AKAP6: variants seen among roughly 807,000 people sequenced by gnomAD.
AKAP6 encodes A-kinase anchor protein 6.
AKAP6 carries 58 observed loss-of-function variants against 188.5 expected under a neutral mutation model. That is an observed-to-expected ratio of 0.31 (90% CI 0.25 to 0.38). The LOEUF (loss-of-function observed/expected upper bound fraction) is 0.38. Among genes scored for constraint, AKAP6 ranks in the 10% least tolerant of loss-of-function variants. The pLI is 1.00. For synonymous variants in AKAP6, 989 were observed against 998.6 expected, an observed-to-expected ratio of 0.99 and a Z score of 0.18; for missense variants, 2,710 against 2,740.0, an observed-to-expected ratio of 0.99 and a Z score of 0.24.
intron 5 of AKAP6, among the ~76,000 whole-genome samples, chr14:32,591,648 C>CTTTT (rs71432068): frequency 7.6e-6 from 1 of 131,878 alleles, no homozygotes; most frequent in African/African-American, 2.8e-5. Context: ...AGTGTCTTCT[C>CTTTT]TTTTTTTTTT....
intron 1 of AKAP6, among the ~76,000 whole-genome samples, chr14:32,361,970 G>C (rs570391153): frequency 1.1e-3 from 173 of 152,128 alleles, no homozygotes; most frequent in Middle Eastern, 3.4e-3. Context: ...CATTGAAATG[G>C]AAATAATTTG....
chr14:32,580,855 A>C (rs1884931886), intron 5 of AKAP6, among the ~76,000 whole-genome samples: 1 of 152,108 alleles, frequency 6.6e-6, no homozygotes, highest in Non-Finnish European at 1.5e-5. Flanking sequence ...TTCCAATTTC[A>C]TCCATGTCCC....
chr14:32,776,186 A>T (rs1305416348), intron 12 of AKAP6, among the ~76,000 whole-genome samples: 1 of 152,078 alleles, frequency 6.6e-6, no homozygotes, highest in African/African-American at 2.4e-5. Flanking sequence ...CACTTCTTTG[A>T]TATGGTTTGT....
chr14:32,801,433 C>A (rs2033946146), intron 12 of AKAP6, among the ~76,000 whole-genome samples: 1 of 152,120 alleles, frequency 6.6e-6, no homozygotes, highest in South Asian at 2.1e-4. Context: ...ATACTCAATT[C>A]CTCCCTCCCA....
At chr14:32,631,001 T>C (rs548468414) in intron 7 of AKAP6, among the ~76,000 whole-genome samples, 1 of 152,202 alleles carries the variant, frequency 6.6e-6, no homozygotes, top group East Asian at 1.9e-4. Flanking sequence ...CTAATAGTTT[T>C]GTTGAATTTT....
chr14:32,717,043 G>A (rs951202658), intron 9 of AKAP6, among the ~76,000 whole-genome samples: 4 of 152,106 alleles, frequency 2.6e-5, no homozygotes, highest in African/African-American at 9.7e-5. Flanking sequence ...ATGGAAATAT[G>A]AAATGACCTT....
intron 1 of AKAP6, among the ~76,000 whole-genome samples, chr14:32,380,488 T>C (rs1888318321): frequency 6.6e-6 from 1 of 152,230 alleles, no homozygotes; most frequent in Non-Finnish European, 1.5e-5. Flanking sequence ...ACTGAATAAA[T>C]GAATGAAGAT....
chr14:32,746,555 T>G (rs1269457377), intron 11 of AKAP6, among the ~76,000 whole-genome samples: 1 of 152,140 alleles, frequency 6.6e-6, no homozygotes, highest in Non-Finnish European at 1.5e-5. Flanking sequence ...TGCAAGACAG[T>G]CAGAGTGGAT....
In AKAP6 at chr14:32,389,475, G is replaced by T. The variant is rs558504086; in HGVS notation, c.-34-43985G>T. Among the ~76,000 whole-genome samples, 10 of 151,652 alleles carry T rather than the reference G, an allele frequency of 6.6e-5. No homozygotes were observed. The East Asian group carries it at 1.7e-3, about 26-fold the overall frequency. The stretch of plus-strand genomic sequence containing the variant: ...TTATGCTTTAAAGAAGTTCTTTTTT[G>T]CTGTGTTTCCAGGATTTGTTTCAAG... On this transcript the variant is annotated intron_variant, in intron 1 of 13. Coordinates refer to ENST00000280979, the MANE Select transcript of AKAP6 (RefSeq NM_004274.5).
intron 9 of AKAP6, among the ~76,000 whole-genome samples, chr14:32,725,679 A>G (rs2030834123): frequency 6.6e-6 from 1 of 152,202 alleles, no homozygotes. Flanking sequence ...CTTTATTAAA[A>G]TCTATTCGTA....
chr14:32,613,141 T>C (rs182471287), intron 7 of AKAP6, among the ~76,000 whole-genome samples: 238 of 152,336 alleles, frequency 1.6e-3, no homozygotes, highest in Non-Finnish European at 2.8e-3. Context: ...TAAAATGACC[T>C]GGGTCGCTTT....
intron 1 of AKAP6, among the ~76,000 whole-genome samples, chr14:32,413,361 GT>G (rs1889556339): frequency 6.6e-6 from 1 of 151,410 alleles, no homozygotes; most frequent in South Asian, 2.1e-4. Context: ...TTTTAAAATT[GT>G]TTGTAGCAAT....
At chr14:32,349,830 A>G (rs985318086) in intron 1 of AKAP6, among the ~76,000 whole-genome samples, 1 of 152,202 alleles carries the variant, frequency 6.6e-6, no homozygotes, top group Non-Finnish European at 1.5e-5. Flanking sequence ...AACATTTTAG[A>G]TGTGTGTTAG....
chr14:32,761,035 GA>G (rs953321578), intron 11 of AKAP6, among the ~76,000 whole-genome samples: 1 of 152,194 alleles, frequency 6.6e-6, no homozygotes, highest in African/African-American at 2.4e-5. Context: ...GGAAAGGAAA[GA>G]GCTAAGAAGC....
chr14:32,600,797 G>A lies in AKAP6; in HGVS notation c.2730+5G>A, dbSNP rs553235978. ...GAAGGGACTGGAAGCCCCAAGGTAA[G>A]TGGCTTGAAGTTTGCCTTATTTCCT... On this transcript the variant is annotated splice_donor_5th_base_variant and intron_variant, in intron 7 of 13. Coordinates refer to ENST00000280979, the MANE Select transcript of AKAP6 (RefSeq NM_004274.5). The A allele has an allele frequency of 5.0e-6, 8 of 1,590,732 alleles. No homozygotes were observed. In the African/African-American group the frequency reaches 5.4e-5, roughly 11 times the overall value.
Position 32,546,119 on chromosome 14 carries a change from A to G in AKAP6, c.1466A>G (p.Tyr489Cys), listed in dbSNP as rs758449264. ...AGCCTGGGAAGGCTTAACGACTGCTATAAAGAGAAATCTCGACTTAAAAAG... is the reference window on the plus strand; with the variant it reads ...AGCCTGGGAAGGCTTAACGACTGCTGTAAAGAGAAATCTCGACTTAAAAAG... Reference protein sequence around the residue: ...SSSLGRLNDCYKEKSRLKKPH... With the variant: ...SSSLGRLNDCCKEKSRLKKPH... The change falls in exon 4 of 14, where the codon TAT (tyrosine) becomes TGT (cysteine). Residue 489 changes from tyrosine to cysteine, a missense_variant. By Grantham distance (194) the Tyr-to-Cys change is radical. Coordinates refer to ENST00000280979, the MANE Select transcript of AKAP6 (RefSeq NM_004274.5). The G allele has an allele frequency of 3.1e-6, 5 of 1,613,934 alleles. No individual in the cohort carries two copies. The South Asian group carries it at 3.3e-5, about 11-fold the overall frequency.
intron 7 of AKAP6, among the ~76,000 whole-genome samples, chr14:32,661,090 G>C (rs919342896): frequency 1.3e-5 from 2 of 151,920 alleles, no homozygotes; most frequent in Non-Finnish European, 2.9e-5. Flanking sequence ...GAGAAATAGT[G>C]ACAAATAGGT....
intron 3 of AKAP6, among the ~76,000 whole-genome samples, chr14:32,536,144 G>A (rs946414545): frequency 1.3e-5 from 2 of 152,192 alleles, no homozygotes; most frequent in Admixed American, 1.3e-4. Flanking sequence ...ATCAAAACAT[G>A]GTTTCTGTCT....
In AKAP6 at chr14:32,821,707, G is replaced by A. The variant is rs770580558; in HGVS notation, c.3894G>A (p.Glu1298=). 19 of 1,613,502 alleles carry A rather than the reference G, an allele frequency of 1.2e-5. No individual in the cohort carries two copies. Among genetic ancestry groups the A allele is most frequent in the Admixed American group, 1.0e-4 (6 of 59,860 alleles). ...VYSLHNVELY[E]DNHMPFLKNN... is the part of the protein sequence containing the mutation. Reference sequence around the variant, plus strand: ...GCCTCCACAATGTTGAACTCTATGAGGACAACCACATGCCATTTCTGAAAA... The same window carrying A: ...GCCTCCACAATGTTGAACTCTATGAAGACAACCACATGCCATTTCTGAAAA... The change falls in exon 13 of 14, where the codon GAG becomes GAA. Residue 1298 remains glutamate, a synonymous_variant. Coordinates refer to ENST00000280979, the MANE Select transcript of AKAP6 (RefSeq NM_004274.5).
Sources: gnomAD v4.1 joint callset for allele counts (sites outside exome capture counted in the v4.1 genomes callset) on GRCh38, gnomAD v4.1.1 for gene constraint, MANE v1.5 for transcripts, NCBI Gene and HGNC (gene_info 2026-07-23, HGNC 2026-07-21) for gene names.